Variants in DNAH9 observed in about 807,000 individuals in gnomAD.
The protein encoded by DNAH9 is DNAH9 variant protein.
DNAH9 carries 345 observed loss-of-function variants against 471.6 expected under a neutral mutation model. The ratio of observed to expected loss-of-function variants is 0.73; its 90% CI spans 0.67 to 0.80. The LOEUF is 0.80. DNAH9 is among the 30% of genes least tolerant of loss of function. The probability of loss-of-function intolerance (pLI) is 0.00; values close to 1 mark genes in which losing one functional copy is unlikely to be tolerated. For synonymous variants in DNAH9, 2,093 were observed against 2,123.6 expected, an observed-to-expected ratio of 0.99 and a Z score of 0.40; for missense variants, 5,407 against 5,609.2, an observed-to-expected ratio of 0.96 and a Z score of 1.15.
At chr17:11,599,445 A>G (rs2072337738) in intron 1 of DNAH9, among the ~76,000 whole-genome samples, 1 of 152,082 alleles carries the variant, frequency 6.6e-6, no homozygotes, top group Admixed American at 6.6e-5. Flanking sequence ...GGAGGTGGGT[A>G]GTGATTTGCT....
intron 61 of DNAH9, among the ~76,000 whole-genome samples, chr17:11,919,149 G>C (rs991534051): frequency 6.6e-6 from 1 of 152,020 alleles, no homozygotes; most frequent in African/African-American, 2.4e-5. Flanking sequence ...GTCCACCAGA[G>C]GGCATGTTTT....
At chr17:11,666,683 G>T (rs536116429) in intron 15 of DNAH9, among the ~76,000 whole-genome samples, 20 of 152,274 alleles carry the variant, frequency 1.3e-4, no homozygotes, top group African/African-American at 4.1e-4. Context: ...CAGTGACTCA[G>T]TTGGGTGGCT....
At position 11,854,297 on chromosome 17, in the gene DNAH9, T is replaced by C. The variant is rs1971540937; in HGVS notation, c.9802T>C (p.Trp3268Arg). The C allele has an allele frequency of 6.2e-7, 1 of 1,614,176 alleles. No homozygotes were observed. The highest frequency in any genetic ancestry group is 1.3e-5 in the African/African-American group (1 of 75,038). ...CTATGCGGCTGCAGGCCTCTGCTCC[T>C]GGGTCATCAATATTGTGAGATTTTA... ...KSYAAAGLCS[W>R]VINIVRFYEV... The change falls in exon 50 of 69, where the codon TGG (tryptophan) becomes CGG (arginine). Residue 3268 changes from tryptophan to arginine, a missense_variant. Coordinates refer to ENST00000262442, the MANE Select transcript of DNAH9 (RefSeq NM_001372.4).
rs535823905 is a variant in DNAH9, at chr17:11,702,026, A to T, written c.5151+779A>T. Among the ~76,000 whole-genome samples, 14 of 152,326 alleles carry T rather than the reference A, an allele frequency of 9.2e-5. No individual in the cohort carries two copies. In the South Asian group the frequency reaches 2.3e-3, roughly 25 times the overall value. On this transcript the variant is annotated intron_variant, in intron 24 of 68. Coordinates refer to ENST00000262442, the MANE Select transcript of DNAH9 (RefSeq NM_001372.4). ...GGGAGGCTCAGGGTACTCTGGGAGC[A>T]TACAGATAGTTCATGAGGTCTGGGG...
chr17:11,920,632 AAAAG>A (rs1289733084), intron 61 of DNAH9, among the ~76,000 whole-genome samples: 5 of 107,280 alleles, frequency 4.7e-5, no homozygotes, highest in African/African-American at 1.7e-4. Flanking sequence ...AAAAAAAAAA[AAAAG>A]AAAAGAAAAA....
At chr17:11,927,840 T>C (rs1974382402) in intron 62 of DNAH9, among the ~76,000 whole-genome samples, 1 of 152,182 alleles carries the variant, frequency 6.6e-6, no homozygotes, top group Non-Finnish European at 1.5e-5. Context: ...CCCAGGGTTC[T>C]ATACACAAGC....
In DNAH9 at chr17:11,629,538, G is replaced by C. The variant is rs1455373359; in HGVS notation, c.1472G>C (p.Arg491Thr). The C allele has an allele frequency of 6.2e-7, 1 of 1,614,118 alleles. No homozygotes were observed. Among genetic ancestry groups the C allele is most frequent in the Non-Finnish European group, 8.5e-7 (1 of 1,180,004 alleles). The change falls in exon 7 of 69, where the codon AGG becomes ACG. Residue 491 changes from arginine (R) to threonine (T), a missense_variant. Physicochemically the swap from Arg to Thr is moderately conservative, Grantham distance 71 (BLOSUM62 -1). Transcript: ENST00000262442. ...QMHEEFQEMY[R>T]LLSGSSSDCL... ...CATGAAGAATTTCAAGAGATGTACA[G>C]GCTTCTCTCAGGATCCTCCTCCGAC...
Position 11,769,228 on chromosome 17 carries a change from A to G in DNAH9, c.7451A>G (p.Lys2484Arg), listed in dbSNP as rs1266799274. 6.2e-7 allele frequency: 1 copy of G among 1,614,158 alleles called. No homozygotes were observed. The highest frequency in any genetic ancestry group is 8.5e-7 in the Non-Finnish European group (1 of 1,180,028). ...VMLVGTAGTG[K>R]SVLVGAKLAS... The stretch of plus-strand genomic sequence containing the variant: ...CTGGTGGGCACGGCTGGCACTGGCA[A>G]GTCGGTGCTGGTGGGAGCTAAGCTG... Residue 2484 changes from lysine (K) to arginine (R), a missense_variant, in exon 38 of 69, where the codon AAG becomes AGG. Lys to Arg is a conservative substitution (Grantham distance 26). Coordinates refer to ENST00000262442, the MANE Select transcript of DNAH9 (RefSeq NM_001372.4).
chr17:11,869,291 T>C (rs1334793842), intron 51 of DNAH9, 38 bp downstream of exon 51: 4 of 1,607,294 alleles, frequency 2.5e-6, no homozygotes. Flanking sequence ...TGTAATTATA[T>C]TAGCAGGCTT....
Position 11,784,462 on chromosome 17 carries a change from A to G in DNAH9, c.7984A>G (p.Ile2662Val), listed in dbSNP as rs766095113. The G allele has an allele frequency of 5.0e-6, 8 of 1,614,150 alleles. No individual in the cohort carries two copies. The highest frequency in any genetic ancestry group is 6.8e-6 in the Non-Finnish European group (8 of 1,180,030). The change falls in exon 41 of 69, where the codon ATT becomes GTT. Residue 2662 changes from isoleucine (I) to valine (V), a missense_variant. By Grantham distance (29) the Ile-to-Val change is conservative. Transcript: ENST00000262442. ...TCTGGCCCTCGCCTTCCACCAGAAA[A>G]TTGCTACCACCTTCCTACCCACAGG... Reference protein sequence around the residue: ...IDLALAFHQKIATTFLPTGIK... With the variant: ...IDLALAFHQKVATTFLPTGIK...
intron 17 of DNAH9, among the ~76,000 whole-genome samples, chr17:11,675,417 T>C (rs913572075): frequency 2.0e-5 from 3 of 152,172 alleles, no homozygotes; most frequent in African/African-American, 7.2e-5. Flanking sequence ...TCTCGGTCTT[T>C]ATGCTTTATA....
At chr17:11,696,540 G>T (rs958867345) in intron 22 of DNAH9, among the ~76,000 whole-genome samples, 2 of 152,060 alleles carry the variant, frequency 1.3e-5, no homozygotes, top group Admixed American at 1.3e-4. Context: ...CCACCCTTTT[G>T]CTTCACCACA....
intron 26 of DNAH9, among the ~76,000 whole-genome samples, chr17:11,718,951 T>C (rs2150800909): frequency 1.3e-5 from 2 of 152,204 alleles, no homozygotes; most frequent in Non-Finnish European, 2.9e-5. Flanking sequence ...CCAGGTCGAC[T>C]TAAAGAGTTG....
chr17:11,732,858 C>G (rs958432237), intron 28 of DNAH9, among the ~76,000 whole-genome samples: 1 of 152,094 alleles, frequency 6.6e-6, no homozygotes, highest in African/African-American at 2.4e-5. Flanking sequence ...GCATTACAAG[C>G]CCCAATAATG....
At chr17:11,649,578 G>A (rs1172488304) in intron 12 of DNAH9, among the ~76,000 whole-genome samples, 2 of 152,004 alleles carry the variant, frequency 1.3e-5, no homozygotes, top group Non-Finnish European at 1.5e-5. Flanking sequence ...CTGGGCTAAC[G>A]GGCATTCACA....
At chr17:11,744,163 G>A (rs1442320790) in intron 30 of DNAH9, among the ~76,000 whole-genome samples, 1 of 152,048 alleles carries the variant, frequency 6.6e-6, no homozygotes, top group Non-Finnish European at 1.5e-5. Flanking sequence ...TAATTAAGTA[G>A]CAATCTGCTA....
chr17:11,841,226 G>C (rs1971019632), intron 49 of DNAH9, among the ~76,000 whole-genome samples: 1 of 152,148 alleles, frequency 6.6e-6, no homozygotes, highest in Non-Finnish European at 1.5e-5. Flanking sequence ...ATCAAGGCAA[G>C]TCTCAATCAT....
rs376985799 is a variant in DNAH9 at position 11,640,332 on chromosome 17, C to T, written c.1849C>T (p.Leu617=). The change falls in exon 10 of 69, where the codon CTG becomes TTG. Residue 617 remains leucine (L), a synonymous_variant. Coordinates refer to ENST00000262442, the MANE Select transcript of DNAH9 (RefSeq NM_001372.4). The part of the protein sequence containing the change: ...VAGGLRWAQE[L]RQRIQGPFSN... ...TGGCGGCCTCCGCTGGGCACAGGAG[C>T]TGAGGCAGCGCATCCAGGGTCCTTT... 2 of 1,614,006 alleles carry T rather than the reference C, an allele frequency of 1.2e-6. No individual in the cohort carries two copies. Among genetic ancestry groups the T allele is most frequent in the Non-Finnish European group, 1.7e-6 (2 of 1,179,992 alleles).
chr17:11,861,126 C>G (rs1771433973), intron 50 of DNAH9, among the ~76,000 whole-genome samples: 1 of 152,080 alleles, frequency 6.6e-6, no homozygotes, highest in Admixed American at 6.6e-5. Flanking sequence ...GCTGCACCCA[C>G]TAACTCGTCA....
Sources: gnomAD v4.1 joint callset for allele counts (sites outside exome capture counted in the v4.1 genomes callset) on GRCh38, gnomAD v4.1.1 for gene constraint, MANE v1.5 for transcripts, NCBI Gene and HGNC (gene_info 2026-07-23, HGNC 2026-07-21) for gene names.